Variants in USH2A observed in about 807,000 individuals in gnomAD.
USH2A encodes usherin.
A neutral mutation model predicts 538.9 loss-of-function variants in USH2A; 443 were observed. That is an observed-to-expected ratio of 0.82 (90% CI 0.76 to 0.89). The LOEUF is 0.89. Ranked by LOEUF, USH2A falls within the 40% of genes least tolerant of loss-of-function variation. The pLI, the probability that USH2A is intolerant of heterozygous loss-of-function variation, is 0.00. For missense variants in USH2A, 6,633 were observed against 6,324.8 expected (o/e 1.05, Z -1.65); for synonymous variants, 2,413 against 2,273.5 (o/e 1.06, Z -1.75).
At chr1:216,347,278 T>G (rs2038196973) in intron 4 of USH2A, among the ~76,000 whole-genome samples, 1 of 152,162 alleles carries the variant, frequency 6.6e-6, no homozygotes, top group Non-Finnish European at 1.5e-5. Context: ...TTTGGAGATC[T>G]AAGTCTTCCC....
intron 21 of USH2A, among the ~76,000 whole-genome samples, chr1:216,134,687 T>C (rs1360132950): frequency 6.6e-6 from 1 of 152,144 alleles, no homozygotes; most frequent in Non-Finnish European, 1.5e-5. Context: ...TTGAACGCAA[T>C]TCAGTGTCAG....
intron 38 of USH2A, among the ~76,000 whole-genome samples, chr1:215,929,135 T>G (rs908637835): frequency 8.1e-6 from 1 of 123,694 alleles, no homozygotes; most frequent in Non-Finnish European, 1.7e-5. Context: ...TTACTTGCTT[T>G]GGGCTAGCAT....
chr1:216,355,308 A>AAAGAAAGAAAGAAAGAAAGAAAGAAAGG (rs1414411306), intron 4 of USH2A, among the ~76,000 whole-genome samples: 10 of 12,018 alleles, frequency 8.3e-4, no homozygotes, highest in African/African-American at 1.5e-3. Context: ...TCTGCTTCAA[A>AAAGAAAGAAAGAAAGAAAGAAAGAAAGG]AAGAAAGAAA....
chr1:216,289,601 T>C (rs1459264327), intron 10 of USH2A, among the ~76,000 whole-genome samples, 191 bp from the exon 11 acceptor site: 1 of 152,222 alleles, frequency 6.6e-6, no homozygotes, highest in East Asian at 1.9e-4. Context: ...TTACAAACTG[T>C]GCTTTACTTC....
chr1:216,125,271 C>A (rs2033226914), intron 21 of USH2A, among the ~76,000 whole-genome samples: 1 of 150,462 alleles, frequency 6.6e-6, no homozygotes. Context: ...AATCTGTTAT[C>A]CAGGAAGATC....
chr1:215,884,501 C>A (rs1169357403), intron 41 of USH2A, among the ~76,000 whole-genome samples: 1 of 152,178 alleles, frequency 6.6e-6, no homozygotes, highest in Non-Finnish European at 1.5e-5. Context: ...ATTACTTAAT[C>A]CCTCATTCTC....
At chr1:216,184,983 A>G (rs1317988502) in intron 20 of USH2A, among the ~76,000 whole-genome samples, 1 of 152,100 alleles carries the variant, frequency 6.6e-6, no homozygotes, top group Non-Finnish European at 1.5e-5. Context: ...TCAGGAATGG[A>G]TCTCCAAAAG....
In USH2A at chr1:216,077,977, T is replaced by TTGGG. The variant is rs1277620326; in HGVS notation, c.5572+108_5572+111dup. ...AATTTCTCCAGAAAAAGAGATGCTGTTGGGTGCTGCTTTTAGCCTGAGTCT... is the reference window on the plus strand; with the variant it reads ...AATTTCTCCAGAAAAAGAGATGCTGTTGGGTGGGTGCTGCTTTTAGCCTGAGTCT... On this transcript the variant is annotated intron_variant, in intron 27 of 71. Coordinates refer to ENST00000307340, the MANE Select transcript of USH2A (RefSeq NM_206933.4). 9 of 1,315,644 alleles carry TTGGG rather than the reference T, an allele frequency of 6.8e-6. No homozygotes were observed. The African/African-American group carries it at 1.3e-4, about 19-fold the overall frequency. 81.5% of individuals were successfully genotyped at this position (1,315,644 alleles called of 1,614,324 possible).
At chr1:216,000,277 GAACTA>G (rs1331050823) in intron 33 of USH2A, 121 bp downstream of exon 33, 13 of 1,328,942 alleles carry the variant, frequency 9.8e-6, no homozygotes, top group Admixed American at 1.8e-5. Context: ...CAGATCCACT[GAACTA>G]ATCACTTCTA....
At chr1:216,280,133 C>G (rs965781252) in intron 11 of USH2A, among the ~76,000 whole-genome samples, 1 of 151,236 alleles carries the variant, frequency 6.6e-6, no homozygotes, top group Non-Finnish European at 1.5e-5. Context: ...ACTTAAGTCA[C>G]ACTAGATGAG....
At chr1:215,707,855 A>C (rs1659225221) in intron 61 of USH2A, among the ~76,000 whole-genome samples, 1 of 152,216 alleles carries the variant, frequency 6.6e-6, no homozygotes, top group Non-Finnish European at 1.5e-5. Context: ...TACACAAGAA[A>C]TCATCATGGG....
At chr1:216,166,151 G>T (rs527864792) in intron 21 of USH2A, among the ~76,000 whole-genome samples, 3 of 152,098 alleles carry the variant, frequency 2.0e-5, no homozygotes, top group African/African-American at 4.8e-5. Flanking sequence ...GGAGGCTGGG[G>T]TTGCTGGAAG....
At chr1:216,198,863 CA>C (rs1356633069) in intron 17 of USH2A, among the ~76,000 whole-genome samples, 2 of 152,000 alleles carry the variant, frequency 1.3e-5, no homozygotes, top group Non-Finnish European at 2.9e-5. Flanking sequence ...AACACATAGA[CA>C]AAAAATAACT....
chr1:215,923,908 A>G (rs1040048793), intron 38 of USH2A, among the ~76,000 whole-genome samples: 7 of 151,748 alleles, frequency 4.6e-5, no homozygotes, highest in African/African-American at 1.7e-4. Context: ...TAAAATTTAA[A>G]TAGAGATGGG....
At position 216,323,690 on chromosome 1, in the gene USH2A, G is replaced by A; in HGVS notation, c.1334C>T (p.Thr445Ile). The part of the protein sequence containing the change: ...SVNCLQLSNF[T>I]PYSRGNVTFS... Reference sequence around the variant, plus strand: ...TGTGACATTGCCACGGGAATATGGAGTAAAACTGTTAATGAAAGAAATTCG... The same window carrying A: ...TGTGACATTGCCACGGGAATATGGAATAAAACTGTTAATGAAAGAAATTCG... Residue 445 changes from threonine (T) to isoleucine (I), a missense_variant, in exon 8 of 72, where the codon ACT becomes ATT. Transcript: ENST00000307340. 1.9e-6 allele frequency: 3 copies of A among 1,613,246 alleles called. No homozygotes were observed. The highest frequency in any genetic ancestry group is 2.5e-6 in the Non-Finnish European group (3 of 1,179,500).
At chr1:216,116,573 G>A (rs301733) in intron 21 of USH2A, among the ~76,000 whole-genome samples, 60,205 of 151,910 alleles carry the variant, frequency 0.4, 12,691 homozygotes, top group Non-Finnish European at 0.48. Context: ...GGACCAATAC[G>A]ATACTTTATG....
rs534105178 is a variant in USH2A at position 215,763,781 on chromosome 1, G to A, written c.11047+2900C>T. Reference sequence around the variant, plus strand: ...CTAGAGGAAGGGATCCTAGTTAGGAGGATCCAGAGAACTTCTCTTCTTATA... The same window carrying A: ...CTAGAGGAAGGGATCCTAGTTAGGAAGATCCAGAGAACTTCTCTTCTTATA... On this transcript the variant is annotated intron_variant, in intron 56 of 71. Transcript: ENST00000307340. Among the ~76,000 whole-genome samples the A allele has an allele frequency of 2.6e-5, 4 of 152,180 alleles. No homozygotes were observed. The East Asian group carries it at 7.7e-4, about 29-fold the overall frequency.
chr1:216,237,494 T>TAAAA (rs59074625), intron 13 of USH2A, among the ~76,000 whole-genome samples: 15 of 114,240 alleles, frequency 1.3e-4, no homozygotes, highest in Admixed American at 2.9e-4. Context: ...GACTCCGTCT[T>TAAAA]AAAAAAAAAA....
At chr1:216,218,057 A>C (rs945580225) in intron 14 of USH2A, among the ~76,000 whole-genome samples, 1 of 152,112 alleles carries the variant, frequency 6.6e-6, no homozygotes, top group African/African-American at 2.4e-5. Flanking sequence ...ACTAAATTTC[A>C]CTAAGAAAAT....
Sources: gnomAD v4.1 joint callset for allele counts (sites outside exome capture counted in the v4.1 genomes callset) on GRCh38, gnomAD v4.1.1 for gene constraint, MANE v1.5 for transcripts, NCBI Gene and HGNC (gene_info 2026-07-23, HGNC 2026-07-21) for gene names.